The following ADAMTSL1 variants were observed in gnomAD, a reference collection of about 807,000 sequenced individuals.
ADAMTSL1 encodes ADAMTS like 1.
A neutral mutation model predicts 201.8 loss-of-function variants in ADAMTSL1; 126 were observed. The ratio of observed to expected loss-of-function variants is 0.62; its 90% CI spans 0.54 to 0.72. The LOEUF is 0.72. Among genes scored for constraint, ADAMTSL1 ranks in the 30% least tolerant of loss-of-function variants. The probability of loss-of-function intolerance (pLI) is 0.00; values close to 1 mark genes in which losing one functional copy is unlikely to be tolerated. For synonymous variants in ADAMTSL1, 1,121 were observed against 903.4 expected (o/e 1.24, Z -4.32); for missense variants, 2,679 against 2,277.8 (o/e 1.18, Z -3.59).
intron 1 of ADAMTSL1, among the ~76,000 whole-genome samples, chr9:18,503,222 C>G (rs775847823): frequency 3.3e-5 from 5 of 151,582 alleles, no homozygotes. Context: ...TCTCCCAGTG[C>G]CCCCCATTCT....
chr9:18,058,737 T>G (rs1393650318), intron 1 of ADAMTSL1, among the ~76,000 whole-genome samples: 4 of 152,186 alleles, frequency 2.6e-5, no homozygotes, highest in Non-Finnish European at 5.9e-5. Flanking sequence ...TATTAAAACA[T>G]TTTGTCTGTA....
chr9:18,803,491 T>G (rs1195824138), intron 20 of ADAMTSL1, among the ~76,000 whole-genome samples: 1 of 152,212 alleles, frequency 6.6e-6, no homozygotes, highest in Non-Finnish European at 1.5e-5. Flanking sequence ...TGTTAATTCT[T>G]CCTTAGCCAT....
intron 1 of ADAMTSL1, among the ~76,000 whole-genome samples, chr9:18,087,010 TAA>T (rs1279434602): frequency 2.0e-5 from 3 of 152,206 alleles, no homozygotes; most frequent in African/African-American, 7.2e-5. Flanking sequence ...TCTGTTTTTG[TAA>T]AGTCATCTCC....
chr9:18,775,585 G>A (rs758643838), intron 17 of ADAMTSL1, among the ~76,000 whole-genome samples, 158 bp from the exon 18 acceptor site: 1 of 152,156 alleles, frequency 6.6e-6, no homozygotes, highest in Admixed American at 6.5e-5. Context: ...AAGATGGGCA[G>A]GTCTTCCACA....
At chr9:18,779,347 G>A (rs921126481) in intron 19 of ADAMTSL1, among the ~76,000 whole-genome samples, 1 of 152,164 alleles carries the variant, frequency 6.6e-6, no homozygotes, top group Non-Finnish European at 1.5e-5. Flanking sequence ...AGTACTTATA[G>A]ACCAAATACC....
intron 23 of ADAMTSL1, among the ~76,000 whole-genome samples, chr9:18,834,059 G>T (rs1200708645): frequency 6.6e-6 from 1 of 152,008 alleles, no homozygotes. Flanking sequence ...GTCTGTTTTT[G>T]TACCAGCACC....
intron 1 of ADAMTSL1, among the ~76,000 whole-genome samples, chr9:18,001,347 C>A (rs1241529898): frequency 6.6e-6 from 1 of 151,948 alleles, no homozygotes; most frequent in Non-Finnish European, 1.5e-5. Context: ...TAAATCATGG[C>A]ACAGTCATAC....
chr9:18,187,531 A>G (rs1828792428), intron 2 of ADAMTSL1, among the ~76,000 whole-genome samples: 2 of 152,138 alleles, frequency 1.3e-5, no homozygotes, highest in Non-Finnish European at 2.9e-5. Context: ...TGGAATAAAA[A>G]GAAAGAAAAA....
chr9:18,416,016 TTACTAGCAGACCTG>T lies in ADAMTSL1; in HGVS notation c.208-88807_208-88794del, dbSNP rs1368312089. On this transcript the variant is annotated intron_variant, in intron 2 of 29. Coordinates refer to the ADAMTSL1 transcript ENST00000680146. The stretch of plus-strand genomic sequence containing the variant: ...AGACATGAAAAGCTAAAAGAATTCA[TTACTAGCAGACCTG>T]TACTACAAGAAATCTTCAAGGAAAT... Among the ~76,000 whole-genome samples the T allele has an allele frequency of 5.3e-5, 8 of 152,004 alleles. No individual in the cohort carries two copies. In the East Asian group the frequency reaches 1.5e-3, roughly 29 times the overall value.
intron 2 of ADAMTSL1, among the ~76,000 whole-genome samples, chr9:18,168,013 GAGA>G: frequency 6.6e-6 from 1 of 151,958 alleles, no homozygotes; most frequent in Non-Finnish European, 1.5e-5. Context: ...GTGGAATAAA[GAGA>G]AGAATGAACT....
chr9:18,391,986 A>C (rs181238912), intron 2 of ADAMTSL1, among the ~76,000 whole-genome samples: 268 of 151,592 alleles, frequency 1.8e-3, no homozygotes, highest in Admixed American at 0.016. Context: ...CACCATGCCC[A>C]GCGAATTTTT....
intron 1 of ADAMTSL1, among the ~76,000 whole-genome samples, chr9:18,498,790 A>G (rs1822675175): frequency 6.6e-6 from 1 of 152,110 alleles, no homozygotes; most frequent in Admixed American, 6.5e-5. Flanking sequence ...CACAGCCTCA[A>G]TTTTCTTATT....
At chr9:18,800,808 C>T (rs1319061624) in intron 20 of ADAMTSL1, among the ~76,000 whole-genome samples, 2 of 152,152 alleles carry the variant, frequency 1.3e-5, no homozygotes, top group Non-Finnish European at 2.9e-5. Flanking sequence ...CGCAGCATCA[C>T]GTGGCTGTAC....
intron 2 of ADAMTSL1, among the ~76,000 whole-genome samples, chr9:18,408,137 C>G (rs1166969914): frequency 1.3e-5 from 2 of 152,070 alleles, no homozygotes; most frequent in Non-Finnish European, 2.9e-5. Flanking sequence ...TCTTTAAGTT[C>G]AAGCTGAGAG....
chr9:18,865,279 A>G (rs1011035435), intron 23 of ADAMTSL1, among the ~76,000 whole-genome samples: 4 of 152,146 alleles, frequency 2.6e-5, no homozygotes, highest in Admixed American at 1.3e-4. Context: ...CTATGAGTGA[A>G]AACATGTGGT....
intron 23 of ADAMTSL1, 112 bp from the exon 24 acceptor site, chr9:18,887,719 C>G: frequency 1.0e-6 from 1 of 958,166 alleles, no homozygotes; most frequent in Non-Finnish European, 1.6e-6. Flanking sequence ...ATGCCACAGA[C>G]AAGGCCACAT....
At chr9:18,601,385 G>GT (rs1481333028) in intron 4 of ADAMTSL1, among the ~76,000 whole-genome samples, 6 of 152,300 alleles carry the variant, frequency 3.9e-5, no homozygotes, top group African/African-American at 1.4e-4. Flanking sequence ...CAACTTTGAG[G>GT]TCCTCAGCTA....
intron 2 of ADAMTSL1, among the ~76,000 whole-genome samples, chr9:18,413,008 T>TA (rs2133322464): frequency 1.3e-5 from 2 of 151,918 alleles, no homozygotes; most frequent in East Asian, 3.9e-4. Context: ...TCGTTTTTTG[T>TA]TACCAAGTTT....
chr9:18,007,284 C>T (rs1306661948), intron 1 of ADAMTSL1, among the ~76,000 whole-genome samples: 2 of 152,014 alleles, frequency 1.3e-5, no homozygotes, highest in African/African-American at 4.8e-5. Flanking sequence ...ATGTTTCTCT[C>T]TGATAACTAG....
Sources: allele counts gnomAD v4.1 joint callset (sites outside exome capture counted in the v4.1 genomes callset), GRCh38; gene constraint gnomAD v4.1.1; transcripts MANE v1.5; gene names NCBI Gene and HGNC (gene_info 2026-07-23, HGNC 2026-07-21).